The following DSC3 variants were observed in gnomAD, a reference collection of about 807,000 sequenced individuals.
The protein encoded by DSC3 is desmocollin-3.
A neutral mutation model predicts 89.5 loss-of-function variants in DSC3; 97 were observed. The observed-to-expected ratio is 1.08, with a 90% confidence interval of 0.92 to 1.28. The LOEUF (loss-of-function observed/expected upper bound fraction) is 1.28. Among genes scored for constraint, DSC3 ranks in the 50% most tolerant of loss-of-function variants. The pLI is 0.00. For synonymous variants in DSC3, 436 were observed against 384.1 expected (o/e 1.14, Z -1.58); for missense variants, 1,199 against 1,085.3 (o/e 1.10, Z -1.47).
intron 1 of DSC3, among the ~76,000 whole-genome samples, chr18:31,041,931 A>T (rs1986145638): frequency 6.6e-6 from 1 of 150,650 alleles, no homozygotes; most frequent in Non-Finnish European, 1.5e-5. Flanking sequence ...ACACAACACG[A>T]CCCCAACCCC....
chr18:31,005,626 C>T (rs561105257), intron 12 of DSC3, among the ~76,000 whole-genome samples: 19 of 152,250 alleles, frequency 1.2e-4, no homozygotes, highest in Non-Finnish European at 2.4e-4. Context: ...CTTTTATGCA[C>T]ATTATTAATC....
In DSC3 at chr18:31,004,259, C is replaced by A; in HGVS notation, c.1996G>T (p.Val666Phe). ...GGATGAGTACATTCACACAGATTAACTCTCAATAATTTTGTTGCAGCTTGG... is the reference window on the plus strand; with the variant it reads ...GGATGAGTACATTCACACAGATTAAATCTCAATAATTTTGTTGCAGCTTGG... ...AGQAATKLLR[V>F]NLCECTHPTQ... The change falls in exon 13 of 16, where the codon GTT becomes TTT. Residue 666 changes from valine (V) to phenylalanine (F), a missense_variant. By Grantham distance (50) the Val-to-Phe change is conservative. Transcript: ENST00000360428. 2 of 1,613,982 alleles carry A rather than the reference C, an allele frequency of 1.2e-6. No homozygotes were observed. The highest frequency in any genetic ancestry group is 1.7e-6 in the Non-Finnish European group (2 of 1,179,912).
rs1985056401 is a variant in DSC3 at position 31,011,523 on chromosome 18, A to T, written c.1264-2998T>A. The stretch of plus-strand genomic sequence containing the variant: ...CTGACTAGCAAGGAAGAACCAGGGC[A>T]TTGGAAGAGGAGGATTCCTTTAGAG... On this transcript the variant is annotated intron_variant, in intron 9 of 15. Coordinates refer to ENST00000360428, the MANE Select transcript of DSC3 (RefSeq NM_001941.5). 2.6e-5 allele frequency among the ~76,000 whole-genome samples: 4 copies of T among 152,332 alleles called. No homozygotes were observed. In the South Asian group the frequency reaches 8.3e-4, roughly 32 times the overall value.
intron 9 of DSC3, among the ~76,000 whole-genome samples, chr18:31,011,656 A>G (rs1468433511): frequency 6.6e-6 from 1 of 152,138 alleles, no homozygotes; most frequent in Non-Finnish European, 1.5e-5. Context: ...ATGATTATAC[A>G]GTGTTTGATT....
At chr18:31,007,682 T>C (rs961028274) in intron 11 of DSC3, among the ~76,000 whole-genome samples, 1 of 152,188 alleles carries the variant, frequency 6.6e-6, no homozygotes, top group Non-Finnish European at 1.5e-5. Flanking sequence ...CTGAACTATA[T>C]AAAAGCTCAA....
intron 12 of DSC3, among the ~76,000 whole-genome samples, chr18:31,005,828 C>A (rs1032717688): frequency 6.6e-6 from 1 of 152,070 alleles, no homozygotes; most frequent in Non-Finnish European, 1.5e-5. Flanking sequence ...CCACTCCTTC[C>A]AATTCAAGAC....
intron 14 of DSC3, 51 bp from the exon 15 acceptor site, chr18:30,997,099 T>C (rs1159260899): frequency 6.2e-7 from 1 of 1,607,172 alleles, no homozygotes. Context: ...GGATTCTAAG[T>C]TGTCATGAGA....
rs757903845 is a variant in DSC3 at position 31,001,781 on chromosome 18, C to T, written c.2114-42G>A. The T allele has an allele frequency of 8.3e-6, 12 of 1,448,258 alleles. No homozygotes were observed. In the Admixed American group the frequency reaches 2.0e-4, roughly 24 times the overall value. The allele number at this position is 1,448,258 out of a possible 1,614,324, so 89.7% of individuals were successfully genotyped here. A position where few individuals can be genotyped will look rare whatever the true frequency, so the allele number is the denominator to read the frequency against. ...AAATAAAATAACTTACTTTAGCATA[C>T]ATAGAATAAAATAATCATCATTTAT... is the stretch of plus-strand genomic sequence containing the variant. On this transcript the variant is annotated intron_variant, in intron 13 of 15. Transcript: ENST00000360428.
chr18:31,026,205 G>A (rs896855592), intron 4 of DSC3, among the ~76,000 whole-genome samples: 5 of 152,040 alleles, frequency 3.3e-5, no homozygotes, highest in African/African-American at 1.2e-4. Context: ...GGAAGTGCAA[G>A]GGAACAGGCT....
chr18:31,001,794 AATC>A (rs1476510434), intron 13 of DSC3, 55 bp from the exon 14 acceptor site: 1 of 1,369,140 alleles, frequency 7.3e-7, no homozygotes, highest in Non-Finnish European at 9.9e-7. Flanking sequence ...AGAATAAAAT[AATC>A]ATCATTTATT....
At position 31,018,179 on chromosome 18, in the gene DSC3, G is replaced by C; in HGVS notation, c.1155C>G (p.Asn385Lys). Residue 385 changes from asparagine (N) to lysine (K), a missense_variant, in exon 9 of 16, where the codon AAC (asparagine) becomes AAG (lysine). Physicochemically the swap from Asn to Lys is moderately conservative, Grantham distance 94. Transcript: ENST00000360428. ...RIPIEDKDLINTANWRVNFTI... is the reference protein window; with the variant it reads ...RIPIEDKDLIKTANWRVNFTI... The stretch of plus-strand genomic sequence containing the variant: ...TAAAATTGACTCTCCAATTGGCAGT[G>C]TTAATTAAATCCTTATCTTCTATAG... 1.9e-6 allele frequency: 3 copies of C among 1,612,180 alleles called. No individual in the cohort carries two copies. The South Asian group carries it at 3.3e-5, about 18-fold the overall frequency.
rs1041681421 is a variant in DSC3 at position 31,024,420 on chromosome 18, T to A, written c.704A>T (p.Asp235Val). 1.9e-6 allele frequency: 3 copies of A among 1,610,200 alleles called. No individual in the cohort carries two copies. Among genetic ancestry groups the A allele is most frequent in the Middle Eastern group, 1.7e-4 (1 of 6,028 alleles). Reference protein sequence around the residue: ...LPLPLPIRVEDENDNHPVFTE... With the variant: ...LPLPLPIRVEVENDNHPVFTE... ...GAAAACAGGGTGGTTGTCATTTTCA[T>A]CCTCTACCCTGATGGGTAGTGGGAG... The change falls in exon 6 of 16, where the codon GAT becomes GTT. Residue 235 changes from aspartate (D) to valine (V), a missense_variant. Asp to Val is a radical substitution (Grantham distance 152, BLOSUM62 -3). Transcript: ENST00000360428.
intron 1 of DSC3, among the ~76,000 whole-genome samples, chr18:31,038,788 T>G (rs1986048182): frequency 6.6e-6 from 1 of 152,100 alleles, no homozygotes; most frequent in Admixed American, 6.6e-5. Flanking sequence ...GGAACATTAC[T>G]AATATTTTCA....
chr18:30,989,837 T>G lies in DSC3; in HGVS notation c.*4338A>C, dbSNP rs540402256. ...TAACCTTTTTCTTAAATTAAAAATG[T>G]TATCAGGTTGATAGGTGCAGCAAAC... On this transcript the variant is annotated 3_prime_UTR_variant, in exon 16 of 16. Transcript: ENST00000360428. Among the ~76,000 whole-genome samples, 2 of 152,314 alleles carry G rather than the reference T, an allele frequency of 1.3e-5. No individual in the cohort carries two copies. The highest frequency in any genetic ancestry group is 4.1e-4 in the South Asian group (2 of 4,826).
At chr18:30,999,412 T>C (rs1423580842) in intron 14 of DSC3, among the ~76,000 whole-genome samples, 2 of 151,738 alleles carry the variant, frequency 1.3e-5, no homozygotes, top group Non-Finnish European at 2.9e-5. Flanking sequence ...TTTTTTTATT[T>C]AAGTTGCCAT....
chr18:31,025,022 T>C (rs534056423), intron 5 of DSC3, among the ~76,000 whole-genome samples: 63 of 152,196 alleles, frequency 4.1e-4, no homozygotes, highest in Non-Finnish European at 8.8e-4. Flanking sequence ...TTACTGAACA[T>C]GTGATTACAA....
intron 2 of DSC3, 113 bp downstream of exon 2, chr18:31,032,079 A>G (rs1331117267): frequency 2.2e-5 from 16 of 741,958 alleles, no homozygotes; most frequent in Non-Finnish European, 1.7e-5. Context: ...CTGGAGGAAC[A>G]TCCCTTTTTA....
At chr18:31,016,359 C>G (rs1408039314) in intron 9 of DSC3, among the ~76,000 whole-genome samples, 3 of 152,134 alleles carry the variant, frequency 2.0e-5, no homozygotes, top group Non-Finnish European at 2.9e-5. Context: ...CCAGGTGAAG[C>G]CAGGAACCCT....
chr18:31,027,464 T>TTTCCCTCCTTCC (rs1985635386), intron 4 of DSC3, among the ~76,000 whole-genome samples: 2 of 147,556 alleles, frequency 1.4e-5, no homozygotes, highest in Non-Finnish European at 3.0e-5. Flanking sequence ...GATGCATTGG[T>TTTCCCTCCTTCC]TTCCTTCCTT....
Sources: gnomAD v4.1 joint callset for allele counts (sites outside exome capture counted in the v4.1 genomes callset) on GRCh38, gnomAD v4.1.1 for gene constraint, MANE v1.5 for transcripts, NCBI Gene and HGNC (gene_info 2026-07-23, HGNC 2026-07-21) for gene names.